Variants in PPP2R5A observed in about 807,000 individuals in gnomAD.
PPP2R5A encodes the protein protein phosphatase 2 regulatory subunit B'alpha.
A neutral mutation model predicts 64.2 loss-of-function variants in PPP2R5A; 25 were observed. The observed-to-expected ratio is 0.39, with a 90% CI of 0.28 to 0.54. The LOEUF is 0.54. Among genes scored for constraint, PPP2R5A ranks in the 20% least tolerant of loss-of-function variants. The pLI is 0.67. For missense variants in PPP2R5A, 425 were observed against 576.3 expected, an observed-to-expected ratio of 0.74 and a Z score of 2.69; for synonymous variants, 198 against 201.2, an observed-to-expected ratio of 0.98 and a Z score of 0.13.
intron 1 of PPP2R5A, among the ~76,000 whole-genome samples, chr1:212,302,559 G>T (rs1383412898): frequency 6.6e-6 from 1 of 152,156 alleles, no homozygotes; most frequent in Non-Finnish European, 1.5e-5. Context: ...TGATTTGAAA[G>T]TATTTTAGAG....
At chr1:212,318,653 A>G (rs904474759) in intron 1 of PPP2R5A, among the ~76,000 whole-genome samples, 10 of 152,232 alleles carry the variant, frequency 6.6e-5, no homozygotes, top group Admixed American at 3.9e-4. Flanking sequence ...TTGGCCCTCC[A>G]TATCTGTGGG....
At chr1:212,348,200 T>G (rs1364012660) in intron 6 of PPP2R5A, among the ~76,000 whole-genome samples, 189 bp from the exon 7 acceptor site, 1 of 152,212 alleles carries the variant, frequency 6.6e-6, no homozygotes, top group African/African-American at 2.4e-5. Flanking sequence ...AATTTTCTTT[T>G]GGAATCATCA....
At chr1:212,329,988 C>G (rs941609125) in intron 2 of PPP2R5A, among the ~76,000 whole-genome samples, 4 of 152,086 alleles carry the variant, frequency 2.6e-5, no homozygotes, top group African/African-American at 9.7e-5. Flanking sequence ...CATTGAAAGA[C>G]TAGGGATCTC....
At chr1:212,288,790 C>G (rs539311639) in intron 1 of PPP2R5A, among the ~76,000 whole-genome samples, 22 of 152,296 alleles carry the variant, frequency 1.4e-4, no homozygotes, top group African/African-American at 5.3e-4. Flanking sequence ...TCTTCCTCCT[C>G]TGAAATACCA....
At position 212,360,760 on chromosome 1, in the gene PPP2R5A, G is replaced by A; in HGVS notation, c.1451G>A (p.Ser484Asn). 1 of 1,521,964 alleles carries A rather than the reference G, an allele frequency of 6.6e-7. No homozygotes were observed. Among genetic ancestry groups the A allele is most frequent in the Non-Finnish European group, 8.8e-7 (1 of 1,142,582 alleles). The allele number at this position is 1,521,964 out of a possible 1,614,324, so 94.3% of individuals were successfully genotyped here. Residue 484 changes from serine (S) to asparagine (N), a missense_variant, in exon 13 of 13, where the codon AGT becomes AAT. Around this residue, in one of 4 missense-constraint regions of PPP2R5A, gnomAD observed 177 missense variants for 244.8 expected, o/e 0.72. Transcript: ENST00000261461. ...YNMHSILSNT[S>N]AE ...ATGCACAGTATTCTCAGCAATACAA[G>A]TGCCGAATAAAAAAAAAGCCTCCCA...
chr1:212,359,851 T>C (rs764489248), intron 12 of PPP2R5A, among the ~76,000 whole-genome samples: 21 of 152,284 alleles, frequency 1.4e-4, no homozygotes, highest in Non-Finnish European at 1.9e-4. Flanking sequence ...GAAAATAAGA[T>C]GACTAGGATC....
chr1:212,292,799 A>G (rs1658624480), intron 1 of PPP2R5A, among the ~76,000 whole-genome samples: 2 of 152,188 alleles, frequency 1.3e-5, no homozygotes, highest in Admixed American at 1.3e-4. Flanking sequence ...TCCTGGCCTC[A>G]TGTGATCCTC....
At position 212,360,795 on chromosome 1, in the gene PPP2R5A, G is replaced by T. The variant is rs760877987; in HGVS notation, c.*25G>T. 1.3e-6 allele frequency: 2 copies of T among 1,496,648 alleles called. No homozygotes were observed. The highest frequency in any genetic ancestry group is 1.8e-6 in the Non-Finnish European group (2 of 1,124,500). 92.7% of individuals were successfully genotyped at this position (1,496,648 alleles called of 1,614,324 possible). A position where few individuals can be genotyped will look rare whatever the true frequency, so the allele number is the denominator to read the frequency against. On this transcript the variant is annotated 3_prime_UTR_variant, in exon 13 of 13. Transcript: ENST00000261461. ...AAAAAAAAGCCTCCCACCTCTGCCGGATAGGCAGAGTTTTGTATGCTTTTT... is the reference window on the plus strand; with the variant it reads ...AAAAAAAAGCCTCCCACCTCTGCCGTATAGGCAGAGTTTTGTATGCTTTTT...
At chr1:212,328,992 G>A (rs1659454336) in intron 1 of PPP2R5A, 143 bp from the exon 2 acceptor site, 1 of 522,782 alleles carries the variant, frequency 1.9e-6, no homozygotes, top group South Asian at 5.5e-5. Context: ...ATCCCTGAAT[G>A]ATGGGGTTAT....
At position 212,357,285 on chromosome 1, in the gene PPP2R5A, G is replaced by GT. The variant is rs774857250; in HGVS notation, c.1226+2dup. 1 of 1,561,974 alleles carries GT rather than the reference G, an allele frequency of 6.4e-7. No homozygotes were observed. Among genetic ancestry groups the GT allele is most frequent in the Non-Finnish European group, 8.6e-7 (1 of 1,161,914 alleles). ...AAATTTCCAAAGAACACTGGAATCC[G>GT]TAAGTATCTTTTATATAGGTCGTAT... On this transcript the variant is annotated splice_donor_variant, in intron 11 of 12. Transcript: ENST00000261461. LOFTEE classifies it high-confidence loss of function.
intron 8 of PPP2R5A, among the ~76,000 whole-genome samples, chr1:212,356,064 AAAAT>A (rs1223554742): frequency 1.3e-5 from 2 of 152,142 alleles, no homozygotes; most frequent in African/African-American, 2.4e-5. Flanking sequence ...ACTCCATCTC[AAAAT>A]AAATAAATAA....
rs112438924 is a variant in PPP2R5A at position 212,305,314 on chromosome 1, C to T, written c.181+19023C>T. Among the ~76,000 whole-genome samples, 368 of 152,226 alleles carry T rather than the reference C, an allele frequency of 2.4e-3. 3 individuals are homozygous for T. Among genetic ancestry groups the T allele is most frequent in the African/African-American group, 8.4e-3 (349 of 41,544 alleles). On this transcript the variant is annotated intron_variant, in intron 1 of 12. Transcript: ENST00000261461. ...CTGGGATTACAGGTGTGAGCCACCG[C>T]GCCCGGCTCCAGCCCCCAATTTTTT...
intron 1 of PPP2R5A, among the ~76,000 whole-genome samples, chr1:212,296,033 G>A (rs773054306): frequency 4.6e-5 from 7 of 152,150 alleles, no homozygotes; most frequent in Middle Eastern, 6.8e-3. Context: ...ATGTGACTTG[G>A]GCCTGGGTAG....
rs146370847 is a variant in PPP2R5A at position 212,322,825 on chromosome 1, G to A, written c.182-6310G>A. On this transcript the variant is annotated intron_variant, in intron 1 of 12. Coordinates refer to ENST00000261461, the MANE Select transcript of PPP2R5A (RefSeq NM_006243.4). ...TTTTGAGATGGAGTCTCGCTCTGTCGCCCAGGCTGGAGTGCAGTAGTGGGA... is the reference window on the plus strand; with the variant it reads ...TTTTGAGATGGAGTCTCGCTCTGTCACCCAGGCTGGAGTGCAGTAGTGGGA... Among the ~76,000 whole-genome samples, 141 of 150,176 alleles carry A rather than the reference G, an allele frequency of 9.4e-4. 2 individuals are homozygous for A. Among genetic ancestry groups the A allele is most frequent in the African/African-American group, 3.3e-3 (133 of 40,770 alleles).
chr1:212,316,028 TTCCTGGTCTTTCTTCCTC>T (rs961543276), intron 1 of PPP2R5A, among the ~76,000 whole-genome samples: 12 of 152,188 alleles, frequency 7.9e-5, no homozygotes, highest in African/African-American at 2.9e-4. Flanking sequence ...AACTGGCCAT[TTCCTGGTCTTTCTTCCTC>T]TCCTTGGGCC....
chr1:212,325,931 A>G (rs1385056166), intron 1 of PPP2R5A, among the ~76,000 whole-genome samples: 2 of 152,210 alleles, frequency 1.3e-5, no homozygotes, highest in East Asian at 3.8e-4. Flanking sequence ...AATTATTAGC[A>G]GACATCATTT....
At chr1:212,329,094 GAGT>G in intron 1 of PPP2R5A, 38 bp from the exon 2 acceptor site, 2 of 1,344,342 alleles carry the variant, frequency 1.5e-6, no homozygotes, top group Non-Finnish European at 2.0e-6. Context: ...AGTAACTTCT[GAGT>G]AGGTTATTTC....
intron 3 of PPP2R5A, among the ~76,000 whole-genome samples, chr1:212,339,386 A>G (rs2102439013): frequency 6.6e-6 from 1 of 152,226 alleles, no homozygotes; most frequent in African/African-American, 2.4e-5. Context: ...CATGTTGGCC[A>G]GGCTGGTCTG....
At chr1:212,343,145 G>A (rs1659715055) in intron 4 of PPP2R5A, among the ~76,000 whole-genome samples, 2 of 151,958 alleles carry the variant, frequency 1.3e-5, no homozygotes, top group Non-Finnish European at 2.9e-5. Flanking sequence ...TAGAGACGGG[G>A]TTTCACCACA....
Sources: allele counts gnomAD v4.1 joint callset (sites outside exome capture counted in the v4.1 genomes callset), GRCh38; gene constraint gnomAD v4.1.1; regional missense constraint gnomAD v4.1.1; transcripts MANE v1.5; gene names NCBI Gene and HGNC (gene_info 2026-07-23, HGNC 2026-07-21).